Variants in TRERF1 observed in about 807,000 individuals in gnomAD.
TRERF1 encodes the protein transcriptional-regulating factor 1.
TRERF1 carries 27 observed loss-of-function variants against 122.9 expected under a neutral mutation model. The observed-to-expected ratio is 0.22, with a 90% CI of 0.16 to 0.30. The LOEUF is 0.30. Ranked by LOEUF, TRERF1 falls within the 10% of genes least tolerant of loss-of-function variation. The pLI, the probability that TRERF1 is intolerant of heterozygous loss-of-function variation, is 1.00. For synonymous variants in TRERF1, 636 were observed against 641.7 expected (o/e 0.99, Z 0.13); for missense variants, 1,248 against 1,560.3 (o/e 0.80, Z 3.37).
At chr6:42,309,109 A>G (rs1787793989) in intron 3 of TRERF1, among the ~76,000 whole-genome samples, 1 of 152,314 alleles carries the variant, frequency 6.6e-6, no homozygotes, top group Non-Finnish European at 1.5e-5. Flanking sequence ...ATTTTTTAAA[A>G]GAACAACCTG....
chr6:42,296,343 AT>A (rs1462984430), intron 4 of TRERF1, among the ~76,000 whole-genome samples: 1 of 152,186 alleles, frequency 6.6e-6, no homozygotes, highest in East Asian at 1.9e-4. Flanking sequence ...TTTTAATCTC[AT>A]TTTATAAACT....
intron 13 of TRERF1, among the ~76,000 whole-genome samples, chr6:42,253,805 G>A (rs1302836482): frequency 6.6e-6 from 1 of 152,222 alleles, no homozygotes; most frequent in Non-Finnish European, 1.5e-5. Flanking sequence ...TATTTGTAAA[G>A]AAGCCCTCAC....
chr6:42,414,557 T>C (rs1781567401), intron 2 of TRERF1, among the ~76,000 whole-genome samples: 1 of 152,256 alleles, frequency 6.6e-6, no homozygotes, highest in African/African-American at 2.4e-5. Flanking sequence ...ACTAACTTAA[T>C]ATATTCCTTT....
chr6:42,327,074 C>A (rs1315619817), intron 3 of TRERF1, among the ~76,000 whole-genome samples: 1 of 152,180 alleles, frequency 6.6e-6, no homozygotes, highest in African/African-American at 2.4e-5. Context: ...TTATACAATG[C>A]CCACAAGTAA....
Position 42,236,391 on chromosome 6 carries a change from C to CTCT in TRERF1, c.2877_2879dup (p.Glu960dup), listed in dbSNP as rs780244789. The CTCT allele has an allele frequency of 1.2e-5, 19 of 1,555,190 alleles. No homozygotes were observed. The East Asian group carries it at 2.4e-4, about 20-fold the overall frequency. On this transcript the variant is annotated inframe_insertion, in exon 16 of 18. Transcript: ENST00000372922. ...GGTCCTCCTCCTCCTCCTCCTCTAA[C>CTCT]TCTTCTTCTTCTTCACTTGTCTAGT...
At chr6:42,329,305 G>A (rs1764827772) in intron 3 of TRERF1, among the ~76,000 whole-genome samples, 1 of 152,042 alleles carries the variant, frequency 6.6e-6, no homozygotes, top group Non-Finnish European at 1.5e-5. Context: ...TGGGGTGGGG[G>A]CTTGCTGAGA....
intron 2 of TRERF1, among the ~76,000 whole-genome samples, chr6:42,373,919 GGT>G (rs1774285707): frequency 6.6e-6 from 1 of 151,664 alleles, no homozygotes; most frequent in Non-Finnish European, 1.5e-5. Context: ...CAGACCGTGA[GGT>G]CAGGAGATTG....
intron 4 of TRERF1, among the ~76,000 whole-genome samples, chr6:42,277,697 G>A (rs1409992506): frequency 6.6e-6 from 1 of 152,052 alleles, no homozygotes; most frequent in Non-Finnish European, 1.5e-5. Context: ...CAAACAATTA[G>A]CTGGGTGTAG....
At chr6:42,404,956 ACC>A (rs1779956507) in intron 2 of TRERF1, among the ~76,000 whole-genome samples, 1 of 151,910 alleles carries the variant, frequency 6.6e-6, no homozygotes, top group Non-Finnish European at 1.5e-5. Flanking sequence ...TAATATACCC[ACC>A]CCCAGGCTAC....
chr6:42,372,968 G>C (rs115503728), intron 2 of TRERF1, among the ~76,000 whole-genome samples: 1 of 152,148 alleles, frequency 6.6e-6, no homozygotes. Context: ...TGAGCAACTG[G>C]GTAGCTTGCT....
intron 8 of TRERF1, among the ~76,000 whole-genome samples, chr6:42,261,075 C>G (rs1777762876): frequency 6.6e-6 from 1 of 151,488 alleles, no homozygotes; most frequent in Non-Finnish European, 1.5e-5. Flanking sequence ...CCTCCTTAGG[C>G]CAGCGCGCTC....
rs147443309 is a variant in TRERF1 at position 42,413,515 on chromosome 6, C to T, written c.-454+37662G>A. Reference sequence around the variant, plus strand: ...CACTATCTCAGCTCACTGCAACCTCCGCCTCTTGGGTTCAAGTGATTCTCC... The same window carrying T: ...CACTATCTCAGCTCACTGCAACCTCTGCCTCTTGGGTTCAAGTGATTCTCC... On this transcript the variant is annotated intron_variant, in intron 2 of 17. Coordinates refer to ENST00000372922, the Ensembl canonical transcript of TRERF1. Among the ~76,000 whole-genome samples the T allele has an allele frequency of 9.2e-3, 1,399 of 151,450 alleles. 17 individuals are homozygous for T. The highest frequency in any genetic ancestry group is 0.032 in the African/African-American group (1,297 of 41,136).
At chr6:42,286,222 T>G (rs908004741) in intron 4 of TRERF1, among the ~76,000 whole-genome samples, 9 of 147,180 alleles carry the variant, frequency 6.1e-5, no homozygotes, top group Non-Finnish European at 1.2e-4. Context: ...ATTGAGGACA[T>G]AGGCATGGGC....
intron 3 of TRERF1, among the ~76,000 whole-genome samples, chr6:42,333,997 CTACACA>C (rs762159456): frequency 2.7e-5 from 1 of 37,644 alleles, no homozygotes; most frequent in Non-Finnish European, 4.9e-5. Context: ...CACACATACA[CTACACA>C]CACACACACA....
intron 2 of TRERF1, among the ~76,000 whole-genome samples, chr6:42,369,313 GT>G (rs1021475555): frequency 2.0e-5 from 3 of 152,134 alleles, no homozygotes; most frequent in African/African-American, 7.2e-5. Context: ...AGCCAGCATG[GT>G]GGCAGGTGCC....
At chr6:42,249,115 G>A (rs1775296511) in intron 13 of TRERF1, among the ~76,000 whole-genome samples, 1 of 152,210 alleles carries the variant, frequency 6.6e-6, no homozygotes, top group African/African-American at 2.4e-5. Context: ...CTTACACAGA[G>A]GTTGCTCTGC....
intron 2 of TRERF1, among the ~76,000 whole-genome samples, chr6:42,422,187 A>C (rs559902923): frequency 4.0e-5 from 6 of 151,444 alleles, no homozygotes; most frequent in African/African-American, 1.5e-4. Context: ...AAAAAAAGAA[A>C]GAAAAGAAAA....
At chr6:42,238,995 G>A (rs1459698427) in intron 15 of TRERF1, among the ~76,000 whole-genome samples, 1 of 152,068 alleles carries the variant, frequency 6.6e-6, no homozygotes, top group Admixed American at 6.5e-5. Context: ...TTCAAAACCT[G>A]GCCTATCTTA....
intron 15 of TRERF1, among the ~76,000 whole-genome samples, chr6:42,240,948 G>A (rs1582491642): frequency 2.0e-5 from 3 of 151,824 alleles, no homozygotes; most frequent in Admixed American, 6.6e-5. Flanking sequence ...GCTGGAGTAC[G>A]GTGGCGCAAT....
Sources: allele counts gnomAD v4.1 joint callset (sites outside exome capture counted in the v4.1 genomes callset), GRCh38; gene constraint gnomAD v4.1.1; transcripts MANE v1.5; gene names NCBI Gene and HGNC (gene_info 2026-07-23, HGNC 2026-07-21).